UBE2N: variants seen among roughly 807,000 people sequenced by gnomAD.
UBE2N encodes ubiquitin conjugating enzyme E2 N, also known as ubiquitin-conjugating enzyme E2 N.
For missense variants in UBE2N, 60 were observed against 192.1 expected (o/e 0.31, Z 4.07); for synonymous variants, 70 against 69.2 (o/e 1.01, Z -0.06).
At chr12:93,426,730 C>T (rs1369860803) in intron 1 of UBE2N, among the ~76,000 whole-genome samples, 2 of 152,142 alleles carry the variant, frequency 1.3e-5, no homozygotes, top group Non-Finnish European at 2.9e-5. Flanking sequence ...CAATGTCTCT[C>T]ACTTTCCTTC....
At position 93,408,332 on chromosome 12, in the gene UBE2N, T is replaced by C. The variant is rs1347869385; in HGVS notation, c.*1707A>G. 1 of 152,236 alleles carries C rather than the reference T, an allele frequency of 6.6e-6. No homozygotes were observed. Among genetic ancestry groups the C allele is most frequent in the African/African-American group, 2.4e-5 (1 of 41,462 alleles). The allele number at this position is 152,236 out of a possible 1,614,324, so 9.4% of individuals were successfully genotyped here. A position where few individuals can be genotyped will look rare whatever the true frequency, so the allele number is the denominator to read the frequency against. On this transcript the variant is annotated 3_prime_UTR_variant, in exon 4 of 4. Coordinates refer to ENST00000318066, the MANE Select transcript of UBE2N (RefSeq NM_003348.4). ...ATTTGTTACCAAGCAATGCATTTAT[T>C]TGGAAGGATACCAGTTACCAGTCAT... is the stretch of plus-strand genomic sequence containing the variant.
At position 93,409,811 on chromosome 12, in the gene UBE2N, C is replaced by T. The variant is rs1301510198; in HGVS notation, c.*228G>A. 112 of 514,550 alleles carry T rather than the reference C, an allele frequency of 2.2e-4. 1 individual carries two copies. The highest frequency in any genetic ancestry group is 3.6e-4 in the Non-Finnish European group (104 of 287,092). 31.9% of individuals were successfully genotyped at this position (514,550 alleles called of 1,614,324 possible). A position where few individuals can be genotyped will look rare whatever the true frequency, so the allele number is the denominator to read the frequency against. On this transcript the variant is annotated 3_prime_UTR_variant, in exon 4 of 4. Coordinates refer to ENST00000318066, the MANE Select transcript of UBE2N (RefSeq NM_003348.4). Reference sequence around the variant, plus strand: ...GCAGGGAGGGGCCACTGCTTTTAAACGTTTCACAACAATCCAGATGATACT... The same window carrying T: ...GCAGGGAGGGGCCACTGCTTTTAAATGTTTCACAACAATCCAGATGATACT...
At chr12:93,429,770 C>CA (rs911817541) in intron 1 of UBE2N, among the ~76,000 whole-genome samples, 4 of 150,926 alleles carry the variant, frequency 2.7e-5, no homozygotes, top group Admixed American at 6.6e-5. Context: ...TAGTTTTTCA[C>CA]AAAAAAGTTT....
chr12:93,420,298 C>T (rs1310216417), intron 1 of UBE2N, among the ~76,000 whole-genome samples: 2 of 152,094 alleles, frequency 1.3e-5, no homozygotes, highest in African/African-American at 2.4e-5. Flanking sequence ...GGCTAGAAAT[C>T]TCTACATCCT....
At chr12:93,440,820 T>C (rs748151275) in intron 1 of UBE2N, among the ~76,000 whole-genome samples, 8 of 152,210 alleles carry the variant, frequency 5.3e-5, no homozygotes, top group Non-Finnish European at 1.0e-4. Context: ...CTTAAGACTT[T>C]ACAAAATCAA....
intron 1 of UBE2N, among the ~76,000 whole-genome samples, chr12:93,413,694 A>G (rs931263574): frequency 1.3e-5 from 2 of 151,996 alleles, no homozygotes; most frequent in African/African-American, 4.8e-5. Context: ...GGTTTTTTTT[A>G]TACTTCAAAT....
chr12:93,431,055 C>T (rs546374423), intron 1 of UBE2N, among the ~76,000 whole-genome samples: 21 of 151,756 alleles, frequency 1.4e-4, no homozygotes, highest in South Asian at 4.2e-4. Flanking sequence ...GGTGAAACCC[C>T]GTCTCTACTA....
chr12:93,412,623 G>A (rs189679554), intron 1 of UBE2N, among the ~76,000 whole-genome samples: 7 of 152,302 alleles, frequency 4.6e-5, no homozygotes, highest in South Asian at 2.1e-4. Flanking sequence ...AACCTGACGC[G>A]TCCACCCTAC....
rs1321239987 is a variant in UBE2N, at chr12:93,407,986, CTTCTAT to C, written c.*2047_*2052del. ...GAAATGAAAATGACTTATTTCTGTA[CTTCTAT>C]AACTCACAAATTTAGCAGACATCAT... On this transcript the variant is annotated 3_prime_UTR_variant, in exon 4 of 4. Transcript: ENST00000318066. The C allele has an allele frequency of 1.3e-5, 2 of 152,182 alleles. No individual in the cohort carries two copies. The highest frequency in any genetic ancestry group is 4.8e-5 in the African/African-American group (2 of 41,432). The allele number at this position is 152,182 out of a possible 1,614,324, so 9.4% of individuals were successfully genotyped here. A position where few individuals can be genotyped will look rare whatever the true frequency, so the allele number is the denominator to read the frequency against.
intron 1 of UBE2N, among the ~76,000 whole-genome samples, chr12:93,436,735 A>G (rs1040637309): frequency 3.3e-5 from 5 of 152,032 alleles, no homozygotes; most frequent in African/African-American, 4.8e-5. Context: ...AGCTGTTATT[A>G]CAGGTGTGAA....
At position 93,441,944 on chromosome 12, in the gene UBE2N, G is replaced by A. The variant is rs1879132059; in HGVS notation, c.-60C>T. The A allele has an allele frequency of 4.6e-6, 7 of 1,525,810 alleles. No homozygotes were observed. Among genetic ancestry groups the A allele is most frequent in the African/African-American group, 1.4e-5 (1 of 69,784 alleles). The allele number at this position is 1,525,810 out of a possible 1,614,324, so 94.5% of individuals were successfully genotyped here. The stretch of plus-strand genomic sequence containing the variant: ...CTCCGGCTCCTCTCGCCTCACGCAC[G>A]AGTGGAAGTCCCGGGCTCCACTTCC... On this transcript the variant is annotated 5_prime_UTR_variant, in exon 1 of 4. Coordinates refer to ENST00000318066, the MANE Select transcript of UBE2N (RefSeq NM_003348.4).
intron 3 of UBE2N, chr12:93,410,518 A>G (rs1878002526): frequency 3.1e-6 from 2 of 648,480 alleles, no homozygotes; most frequent in Non-Finnish European, 5.2e-6. Context: ...TGTAGTTACA[A>G]GAGACTCCAA....
At chr12:93,433,461 A>C (rs529576395) in intron 1 of UBE2N, among the ~76,000 whole-genome samples, 1 of 152,348 alleles carries the variant, frequency 6.6e-6, no homozygotes, top group Non-Finnish European at 1.5e-5. Flanking sequence ...AAGATTCCCT[A>C]TTATTTAATT....
intron 1 of UBE2N, 117 bp downstream of exon 1, chr12:93,441,738 G>T: frequency 7.2e-7 from 1 of 1,395,752 alleles, no homozygotes; most frequent in Non-Finnish European, 9.6e-7. Context: ...CCCTCTCCGC[G>T]CCGCCTCGGG....
At position 93,408,576 on chromosome 12, in the gene UBE2N, T is replaced by C. The variant is rs1193342030; in HGVS notation, c.*1463A>G. On this transcript the variant is annotated 3_prime_UTR_variant, in exon 4 of 4. Transcript: ENST00000318066. ...ATGTATTTATGACTGGCTACATTTA[T>C]GACTTAAAAATAACAAGAATCAGGA... 6.6e-6 allele frequency: 1 copy of C among 152,160 alleles called. No homozygotes were observed. The highest frequency in any genetic ancestry group is 6.6e-5 in the Admixed American group (1 of 15,264). The allele number at this position is 152,160 out of a possible 1,614,324, so 9.4% of individuals were successfully genotyped here.
At chr12:93,424,995 G>A (rs1386042190) in intron 1 of UBE2N, among the ~76,000 whole-genome samples, 2 of 152,142 alleles carry the variant, frequency 1.3e-5, no homozygotes, top group African/African-American at 4.8e-5. Context: ...CCACACACTA[G>A]GAAGACATTC....
At chr12:93,413,041 C>T (rs1192793916) in intron 1 of UBE2N, among the ~76,000 whole-genome samples, 1 of 152,190 alleles carries the variant, frequency 6.6e-6, no homozygotes, top group Non-Finnish European at 1.5e-5. Context: ...CTTTGCTTGT[C>T]TCCAATTTCT....
chr12:93,413,201 G>A (rs1319597152), intron 1 of UBE2N, among the ~76,000 whole-genome samples: 2 of 152,136 alleles, frequency 1.3e-5, no homozygotes, highest in Non-Finnish European at 2.9e-5. Context: ...TTATCCAGCT[G>A]GTCTCCTTCC....
chr12:93,408,688 A>C lies in UBE2N; in HGVS notation c.*1351T>G, dbSNP rs149938511. ...AAGAAAAATTACTGAATTCCAAATT[A>C]AAGAATAAAACGAGCTCCCACAGCA... On this transcript the variant is annotated 3_prime_UTR_variant, in exon 4 of 4. Coordinates refer to ENST00000318066, the MANE Select transcript of UBE2N (RefSeq NM_003348.4). 2 of 152,238 alleles carry C rather than the reference A, an allele frequency of 1.3e-5. No individual in the cohort carries two copies. The highest frequency in any genetic ancestry group is 2.9e-5 in the Non-Finnish European group (2 of 68,042). 9.4% of individuals were successfully genotyped at this position (152,238 alleles called of 1,614,324 possible).
Sources: allele counts gnomAD v4.1 joint callset (sites outside exome capture counted in the v4.1 genomes callset), GRCh38; gene constraint gnomAD v4.1.1; transcripts MANE v1.5; gene names NCBI Gene and HGNC (gene_info 2026-07-23, HGNC 2026-07-21).